Variants in TFPI observed in about 807,000 individuals in gnomAD.
TFPI encodes tissue factor pathway inhibitor, also known as anti-convertin.
Under a neutral mutation model 34.6 loss-of-function variants are expected in TFPI, and 15 were observed. That is an observed-to-expected ratio of 0.43 (90% CI 0.29 to 0.67). The LOEUF (loss-of-function observed/expected upper bound fraction) is 0.67. TFPI is among the 30% of genes least tolerant of loss of function. TFPI has a pLI of 0.15. For synonymous variants in TFPI, 105 were observed against 120.1 expected, an observed-to-expected ratio of 0.87 and a Z score of 0.82; for missense variants, 301 against 364.0, an observed-to-expected ratio of 0.83 and a Z score of 1.41.
chr2:187,547,441 G>T (rs897747207), intron 1 of TFPI: 1 of 152,220 alleles, frequency 6.6e-6, no homozygotes, highest in South Asian at 2.1e-4. Flanking sequence ...ATGTGAAAAA[G>T]CTAAGAATTC....
intron 1 of TFPI, among the ~76,000 whole-genome samples, chr2:187,534,898 A>G (rs1688160465): frequency 6.6e-6 from 1 of 151,802 alleles, no homozygotes; most frequent in African/African-American, 2.4e-5. Flanking sequence ...GGAAAGCAAA[A>G]AAAAAAATAA....
chr2:187,548,523 T>C (rs1688977757), intron 1 of TFPI, among the ~76,000 whole-genome samples: 1 of 152,064 alleles, frequency 6.6e-6, no homozygotes, highest in South Asian at 2.1e-4. Context: ...TCACTTACAT[T>C]CTTGGAGATC....
At chr2:187,501,591 A>T (rs906414429) in intron 2 of TFPI, among the ~76,000 whole-genome samples, 1 of 152,084 alleles carries the variant, frequency 6.6e-6, no homozygotes, top group Non-Finnish European at 1.5e-5. Flanking sequence ...TATAAAAATC[A>T]TAGGAAATTA....
intron 1 of TFPI, among the ~76,000 whole-genome samples, chr2:187,543,529 T>C (rs1325635476): frequency 6.6e-6 from 1 of 152,234 alleles, no homozygotes; most frequent in East Asian, 1.9e-4. Flanking sequence ...TCATAGTTTC[T>C]CTTCTACTTA....
At chr2:187,473,802 C>CT (rs201115475) in intron 6 of TFPI, among the ~76,000 whole-genome samples, 53 of 146,384 alleles carry the variant, frequency 3.6e-4, no homozygotes, top group Middle Eastern at 7.0e-3. Flanking sequence ...CACTGTGGAG[C>CT]TTTTTTTTTT....
intron 2 of TFPI, among the ~76,000 whole-genome samples, chr2:187,498,492 G>T (rs1278540610): frequency 6.6e-6 from 1 of 151,718 alleles, no homozygotes; most frequent in Admixed American, 6.6e-5. Context: ...TCATAAAATT[G>T]TAAGTAGCCT....
In TFPI at chr2:187,546,563, T is replaced by C. The variant is rs536895709; in HGVS notation, c.-3+7637A>G. On this transcript the variant is annotated intron_variant, in intron 1 of 7. Transcript: ENST00000233156. ...GGAATAAAAAACGAATGCAAGATAA[T>C]ACAATGAATTTTTGGCATGAGAGGA... Among the ~76,000 whole-genome samples the C allele has an allele frequency of 1.6e-4, 24 of 152,064 alleles. No individual in the cohort carries two copies. In the East Asian group the frequency reaches 4.6e-3, roughly 29 times the overall value.
intron 1 of TFPI, among the ~76,000 whole-genome samples, chr2:187,549,256 A>T (rs1406709330): frequency 6.6e-6 from 1 of 152,156 alleles, no homozygotes; most frequent in South Asian, 2.1e-4. Flanking sequence ...GAACCACCTG[A>T]AACTTCCTTT....
chr2:187,541,864 C>G (rs11885418), intron 1 of TFPI, among the ~76,000 whole-genome samples: 2,827 of 152,262 alleles, frequency 0.019, 91 homozygotes, highest in African/African-American at 0.064. Context: ...GTTACACAAA[C>G]ACTAGGGGAA....
chr2:187,487,107 C>G (rs1693329774), intron 4 of TFPI, among the ~76,000 whole-genome samples: 1 of 151,138 alleles, frequency 6.6e-6, no homozygotes, highest in Non-Finnish European at 1.5e-5. Context: ...AAAAATAGTA[C>G]CTGTATTTAA....
At chr2:187,521,062 T>G (rs1369526458) in intron 1 of TFPI, among the ~76,000 whole-genome samples, 2 of 152,108 alleles carry the variant, frequency 1.3e-5, no homozygotes, top group Non-Finnish European at 2.9e-5. Context: ...TACTAGAGAT[T>G]GGTATTAGAA....
intron 6 of TFPI, among the ~76,000 whole-genome samples, chr2:187,469,762 A>G (rs1691926571): frequency 1.3e-5 from 2 of 152,154 alleles, no homozygotes; most frequent in Admixed American, 1.3e-4. Flanking sequence ...ATCATAAATC[A>G]AAGTTGAATG....
chr2:187,494,841 G>C (rs1005224591), intron 3 of TFPI, among the ~76,000 whole-genome samples: 58 of 152,056 alleles, frequency 3.8e-4, no homozygotes, highest in Admixed American at 3.8e-3. Context: ...TCCTGTCTCA[G>C]CCTCCTGAGT....
intron 4 of TFPI, among the ~76,000 whole-genome samples, chr2:187,486,840 G>C (rs1693302878): frequency 6.6e-6 from 1 of 151,468 alleles, no homozygotes; most frequent in African/African-American, 2.4e-5. Flanking sequence ...GAATACTTGG[G>C]AATTGTCTTG....
intron 2 of TFPI, 135 bp from the exon 3 acceptor site, chr2:187,497,213 TCA>T: frequency 1.2e-6 from 1 of 835,940 alleles, no homozygotes; most frequent in East Asian, 2.7e-5. Context: ...AAAAAGTTAT[TCA>T]GTTATCAAAA....
chr2:187,464,586 T>C lies in TFPI; in HGVS notation c.*2350A>G, dbSNP rs1032922158. On this transcript the variant is annotated 3_prime_UTR_variant, in exon 8 of 8. Coordinates refer to ENST00000233156, the MANE Select transcript of TFPI (RefSeq NM_006287.6). ...ATTAGGCAACTCATCAATGCGCTAT[T>C]TATACAATCTTAGTGACTATTTACC... 1.3e-5 allele frequency: 2 copies of C among 152,160 alleles called. No individual in the cohort carries two copies. Among genetic ancestry groups the C allele is most frequent in the Non-Finnish European group, 2.9e-5 (2 of 68,022 alleles). 9.4% of individuals were successfully genotyped at this position (152,160 alleles called of 1,614,324 possible). A position where few individuals can be genotyped will look rare whatever the true frequency, so the allele number is the denominator to read the frequency against.
rs537206897 is a variant in TFPI at position 187,538,231 on chromosome 2, C to T, written c.-3+15969G>A. The stretch of plus-strand genomic sequence containing the variant: ...ACCATTTGACTCAGCAATCCTATTA[C>T]TGGGTATACACCCAAAGGATTATAA... On this transcript the variant is annotated intron_variant, in intron 1 of 7. Coordinates refer to ENST00000233156, the MANE Select transcript of TFPI (RefSeq NM_006287.6). 3.3e-5 allele frequency among the ~76,000 whole-genome samples: 5 copies of T among 152,314 alleles called. No individual in the cohort carries two copies. In the South Asian group the frequency reaches 1.0e-3, roughly 32 times the overall value.
At chr2:187,545,932 A>AG (rs1279617593) in intron 1 of TFPI, among the ~76,000 whole-genome samples, 2 of 152,124 alleles carry the variant, frequency 1.3e-5, no homozygotes, top group Non-Finnish European at 2.9e-5. Context: ...GAGGAATGTG[A>AG]GTCCTGGAAG....
chr2:187,542,940 A>C (rs986731848), intron 1 of TFPI, among the ~76,000 whole-genome samples: 1 of 152,140 alleles, frequency 6.6e-6, no homozygotes, highest in African/African-American at 2.4e-5. Context: ...CTGCCTTAAA[A>C]ATTCAGCATT....
Sources: gnomAD v4.1 joint callset for allele counts (sites outside exome capture counted in the v4.1 genomes callset) on GRCh38, gnomAD v4.1.1 for gene constraint, MANE v1.5 for transcripts, NCBI Gene and HGNC (gene_info 2026-07-23, HGNC 2026-07-21) for gene names.